The following FSTL4 variants were observed in gnomAD, a reference collection of about 807,000 sequenced individuals.
FSTL4 encodes the protein follistatin-related protein 4.
In FSTL4, 28 loss-of-function variants were observed where a neutral mutation model predicts 78.2. That is an observed-to-expected ratio of 0.36 (90% CI 0.27 to 0.49). The LOEUF is 0.49. Ranked by LOEUF, FSTL4 falls within the 20% of genes least tolerant of loss-of-function variation. The probability of loss-of-function intolerance (pLI) is 0.98; values close to 1 mark genes in which losing one functional copy is unlikely to be tolerated. For synonymous variants in FSTL4, 422 were observed against 440.5 expected (o/e 0.96, Z 0.53); for missense variants, 922 against 1,084.9 (o/e 0.85, Z 2.11).
chr5:133,635,704 G>A, the FSTL4 span, among the ~76,000 whole-genome samples: 3 of 152,116 alleles, frequency 2.0e-5, no homozygotes, highest in Admixed American at 2.0e-4. Flanking sequence ...CGGAGGTTGC[G>A]TTGAGCTGAG....
intron 6 of FSTL4, among the ~76,000 whole-genome samples, chr5:133,261,849 G>A (rs1446981969): frequency 3.9e-5 from 6 of 151,968 alleles, no homozygotes; most frequent in African/African-American, 1.2e-4. Context: ...ATAATTAGCC[G>A]GGCATGGTGG....
the FSTL4 span, among the ~76,000 whole-genome samples, chr5:133,809,792 ACTT>A: frequency 2.6e-4 from 40 of 152,112 alleles, no homozygotes; most frequent in Non-Finnish European, 5.3e-4. Flanking sequence ...GGAAGGTATG[ACTT>A]CTTCTTCTGT....
chr5:133,261,084 T>G (rs1752509118), intron 6 of FSTL4, among the ~76,000 whole-genome samples: 1 of 152,170 alleles, frequency 6.6e-6, no homozygotes. Flanking sequence ...AGACCATCTG[T>G]GTATTGGTTG....
Position 133,257,385 on chromosome 5 carries a change from G to A in FSTL4, c.728-7809C>T, listed in dbSNP as rs952866735. The stretch of plus-strand genomic sequence containing the variant: ...CCTGGCAGACCTGTGTCCTGCTATC[G>A]AGACATCCTAGTCTGATGTAGTATC... On this transcript the variant is annotated intron_variant, in intron 6 of 15. Transcript: ENST00000265342. Among the ~76,000 whole-genome samples the A allele has an allele frequency of 2.0e-5, 3 of 152,182 alleles. No individual in the cohort carries two copies. The South Asian group carries it at 6.2e-4, about 32-fold the overall frequency.
chr5:133,829,310 C>T, the FSTL4 span, among the ~76,000 whole-genome samples: 2 of 152,070 alleles, frequency 1.3e-5, no homozygotes, highest in Admixed American at 6.5e-5. Context: ...TCGCTTGAAC[C>T]GGGAGGCAGA....
chr5:133,629,437 C>T, the FSTL4 span, among the ~76,000 whole-genome samples: 5 of 152,140 alleles, frequency 3.3e-5, no homozygotes, highest in African/African-American at 1.2e-4. Context: ...CCTTCCAAGA[C>T]TAAACCAGGA....
chr5:133,513,316 T>C (rs763216358), intron 3 of FSTL4, among the ~76,000 whole-genome samples: 3 of 152,242 alleles, frequency 2.0e-5, no homozygotes, highest in Non-Finnish European at 2.9e-5. Context: ...ATGCATATTA[T>C]TAATTGCTAT....
chr5:133,565,261 C>A (rs1262004304), intron 3 of FSTL4, among the ~76,000 whole-genome samples: 1 of 152,170 alleles, frequency 6.6e-6, no homozygotes, highest in Non-Finnish European at 1.5e-5. Context: ...TACTGAAGCA[C>A]CATAGTGCTT....
At chr5:133,200,179 G>T (rs1188393139) in intron 15 of FSTL4, among the ~76,000 whole-genome samples, 2 of 152,204 alleles carry the variant, frequency 1.3e-5, no homozygotes, top group Non-Finnish European at 1.5e-5. Flanking sequence ...GGAGGAAAAG[G>T]GCAAGAGATC....
At chr5:133,381,362 C>G (rs902175021) in intron 4 of FSTL4, among the ~76,000 whole-genome samples, 1 of 152,184 alleles carries the variant, frequency 6.6e-6, no homozygotes, top group African/African-American at 2.4e-5. Flanking sequence ...ACTAGTCTTA[C>G]AAATCAGATA....
chr5:133,601,410 G>T (rs981874859), intron 2 of FSTL4, among the ~76,000 whole-genome samples: 3 of 152,196 alleles, frequency 2.0e-5, no homozygotes, highest in Non-Finnish European at 4.4e-5. Flanking sequence ...TTCAGAAAAA[G>T]AGACCAGGTG....
chr5:133,462,209 G>C (rs1438825731), intron 3 of FSTL4, among the ~76,000 whole-genome samples: 1 of 152,186 alleles, frequency 6.6e-6, no homozygotes, highest in East Asian at 1.9e-4. Flanking sequence ...GTCCCCTCTG[G>C]CCCCCCAGAT....
At chr5:133,564,441 G>A (rs1406425064) in intron 3 of FSTL4, among the ~76,000 whole-genome samples, 1 of 152,170 alleles carries the variant, frequency 6.6e-6, no homozygotes, top group Non-Finnish European at 1.5e-5. Flanking sequence ...GTATATTACT[G>A]GGAAGGGCCA....
rs573688069 is a variant in FSTL4, at chr5:133,353,116, A to C, written c.410-36464T>G. 1.2e-3 allele frequency among the ~76,000 whole-genome samples: 177 copies of C among 152,216 alleles called. 2 individuals carry two copies. In the South Asian group the frequency reaches 0.032, roughly 27 times the overall value. ...CTACTTGTGCATTTGGCATCTATTA[A>C]CTTCCCAGTATAAAGATGAGAATTT... On this transcript the variant is annotated intron_variant, in intron 4 of 15. Coordinates refer to ENST00000265342, the MANE Select transcript of FSTL4 (RefSeq NM_015082.2).
At chr5:133,559,466 A>C (rs977331920) in intron 3 of FSTL4, among the ~76,000 whole-genome samples, 4 of 152,130 alleles carry the variant, frequency 2.6e-5, no homozygotes, top group Non-Finnish European at 4.4e-5. Flanking sequence ...GAGCACCATC[A>C]TCTCTCTCCA....
At chr5:133,833,158 G>C in the FSTL4 span, among the ~76,000 whole-genome samples, 1 of 152,182 alleles carries the variant, frequency 6.6e-6, no homozygotes, top group South Asian at 2.1e-4. Flanking sequence ...ATGCCTATGA[G>C]GAGCAGAGCC....
At chr5:133,344,968 C>CTTTTT (rs751778816) in intron 4 of FSTL4, among the ~76,000 whole-genome samples, 1 of 134,246 alleles carries the variant, frequency 7.4e-6, no homozygotes, top group Non-Finnish European at 1.6e-5. Context: ...CATGCCCCCA[C>CTTTTT]TTTTTTTTTT....
At chr5:133,608,723 T>C (rs1280252057) in intron 1 of FSTL4, among the ~76,000 whole-genome samples, 1 of 152,238 alleles carries the variant, frequency 6.6e-6, no homozygotes, top group Non-Finnish European at 1.5e-5. Flanking sequence ...TTTATCTGTA[T>C]TTAGAATTAC....
intron 3 of FSTL4, among the ~76,000 whole-genome samples, chr5:133,442,227 T>C (rs1008916201): frequency 5.9e-5 from 9 of 152,236 alleles, no homozygotes; most frequent in African/African-American, 2.2e-4. Context: ...GTCCGTGCCA[T>C]GGGATAACAA....
Sources: allele counts gnomAD v4.1 joint callset (sites outside exome capture counted in the v4.1 genomes callset), GRCh38; gene constraint gnomAD v4.1.1; transcripts MANE v1.5; gene names NCBI Gene and HGNC (gene_info 2026-07-23, HGNC 2026-07-21).